Variants in CNTNAP5 observed in about 807,000 individuals in gnomAD.
The protein encoded by CNTNAP5 is contactin-associated protein-like 5.
A neutral mutation model predicts 150.2 loss-of-function variants in CNTNAP5; 72 were observed. That is an observed-to-expected ratio of 0.48 (90% CI 0.40 to 0.58). The LOEUF (loss-of-function observed/expected upper bound fraction) is 0.58. CNTNAP5 is among the 20% of genes least tolerant of loss of function. CNTNAP5 has a pLI of 0.00. For missense variants in CNTNAP5, 1,636 were observed against 1,626.2 expected, an observed-to-expected ratio of 1.01 and a Z score of -0.10; for synonymous variants, 672 against 619.8, an observed-to-expected ratio of 1.08 and a Z score of -1.25.
intron 13 of CNTNAP5, among the ~76,000 whole-genome samples, chr2:124,674,724 G>T (rs1265496851): frequency 6.6e-6 from 1 of 151,464 alleles, no homozygotes; most frequent in African/African-American, 2.4e-5. Context: ...TATTTCCATT[G>T]TGATTTCTTT....
intron 19 of CNTNAP5, among the ~76,000 whole-genome samples, chr2:124,812,624 C>A (rs150731484): frequency 6.6e-6 from 1 of 152,280 alleles, no homozygotes; most frequent in Non-Finnish European, 1.5e-5. Context: ...GTTTCCACAA[C>A]GTCTTATCAT....
rs935403054 is a variant in CNTNAP5, at chr2:124,087,335, A to G, written c.82+61603A>G. Among the ~76,000 whole-genome samples, 4 of 151,926 alleles carry G rather than the reference A, an allele frequency of 2.6e-5. No homozygotes were observed. The East Asian group carries it at 7.7e-4, about 29-fold the overall frequency. ...TTTATTTTTTCTTTCTATTTAGATA[A>G]TAGAGTATAGTCATTATTTTAGGAT... On this transcript the variant is annotated intron_variant, in intron 1 of 23. Transcript: ENST00000682447.
chr2:124,465,307 C>T (rs932806945), intron 6 of CNTNAP5, among the ~76,000 whole-genome samples: 9 of 151,972 alleles, frequency 5.9e-5, no homozygotes, highest in African/African-American at 1.9e-4. Context: ...CTATGTTGTC[C>T]AAGACATTGA....
chr2:124,835,834 T>C (rs1287996757), intron 19 of CNTNAP5, among the ~76,000 whole-genome samples: 1 of 152,142 alleles, frequency 6.6e-6, no homozygotes, highest in Non-Finnish European at 1.5e-5. Flanking sequence ...CCACCTCACT[T>C]GCTCTCTTCT....
intron 3 of CNTNAP5, among the ~76,000 whole-genome samples, chr2:124,323,053 G>A (rs572216388): frequency 2.6e-5 from 4 of 152,212 alleles, no homozygotes; most frequent in South Asian, 2.1e-4. Flanking sequence ...TGGAAACTCC[G>A]AGATTAAGGC....
intron 1 of CNTNAP5, among the ~76,000 whole-genome samples, chr2:124,157,493 C>T (rs1684574078): frequency 6.6e-6 from 1 of 152,074 alleles, no homozygotes; most frequent in African/African-American, 2.4e-5. Flanking sequence ...TTTCAGTATT[C>T]CATCTTTATG....
chr2:124,885,549 T>TCACACACACACACACACACA (rs3980831), intron 21 of CNTNAP5, among the ~76,000 whole-genome samples: 1 of 145,262 alleles, frequency 6.9e-6, no homozygotes, highest in South Asian at 2.2e-4. Context: ...AACATTTTCA[T>TCACACACACACACACACACA]CACACACACA....
At chr2:124,893,633 A>G (rs1374134594) in intron 21 of CNTNAP5, among the ~76,000 whole-genome samples, 3 of 152,134 alleles carry the variant, frequency 2.0e-5, no homozygotes, top group Non-Finnish European at 4.4e-5. Flanking sequence ...GCCTTGTAGT[A>G]TGAGATAACC....
intron 3 of CNTNAP5, among the ~76,000 whole-genome samples, chr2:124,360,954 T>C (rs375225849): frequency 1.4e-4 from 20 of 142,894 alleles, no homozygotes; most frequent in Admixed American, 4.9e-4. Flanking sequence ...ACCAATCAGA[T>C]GTAGATTTGG....
chr2:124,061,468 C>T (rs1682008805), intron 1 of CNTNAP5, among the ~76,000 whole-genome samples: 1 of 152,134 alleles, frequency 6.6e-6, no homozygotes, highest in African/African-American at 2.4e-5. Flanking sequence ...AGGACATGGA[C>T]TTTGGAAAAG....
rs145538745 is a variant in CNTNAP5 at position 124,423,019 on chromosome 2, A to G, written c.529+5429A>G. Among the ~76,000 whole-genome samples, 11 of 152,262 alleles carry G rather than the reference A, an allele frequency of 7.2e-5. No homozygotes were observed. The East Asian group carries it at 2.1e-3, about 29-fold the overall frequency. ...TTCCGTGTCTGTGATTGCTAATCCT[A>G]AGGATTTTAAATGAAATCTGAAAAC... On this transcript the variant is annotated intron_variant, in intron 4 of 23. Transcript: ENST00000682447.
intron 11 of CNTNAP5, among the ~76,000 whole-genome samples, chr2:124,575,465 G>A (rs1047099701): frequency 2.6e-5 from 4 of 152,096 alleles, no homozygotes; most frequent in Admixed American, 6.6e-5. Context: ...TTCAGTCATG[G>A]CCCTGTATGT....
At chr2:124,437,403 A>G (rs1692558882) in intron 5 of CNTNAP5, among the ~76,000 whole-genome samples, 1 of 152,208 alleles carries the variant, frequency 6.6e-6, no homozygotes, top group Non-Finnish European at 1.5e-5. Flanking sequence ...ATTTACAGAT[A>G]TGAAATAGTA....
intron 11 of CNTNAP5, among the ~76,000 whole-genome samples, chr2:124,565,958 T>C (rs1410594872): frequency 6.6e-6 from 1 of 151,614 alleles, no homozygotes; most frequent in East Asian, 1.9e-4. Context: ...GATCCTTTTT[T>C]TTTTTTTGCA....
At chr2:124,199,424 T>TTC (rs1175664966) in intron 1 of CNTNAP5, among the ~76,000 whole-genome samples, 2 of 147,340 alleles carry the variant, frequency 1.4e-5, no homozygotes, top group African/African-American at 2.5e-5. Context: ...TTTTTTTTTT[T>TTC]TTTTTTTTGA....
intron 7 of CNTNAP5, among the ~76,000 whole-genome samples, chr2:124,479,789 T>G (rs1693724668): frequency 6.6e-6 from 1 of 152,152 alleles, no homozygotes; most frequent in Non-Finnish European, 1.5e-5. Context: ...ATTGAAACAT[T>G]GACTTCCTAG....
chr2:124,546,298 T>G, intron 10 of CNTNAP5, among the ~76,000 whole-genome samples: 1 of 152,164 alleles, frequency 6.6e-6, no homozygotes, highest in South Asian at 2.1e-4. Flanking sequence ...AATGTTTTCT[T>G]TGTTCAAATT....
intron 11 of CNTNAP5, among the ~76,000 whole-genome samples, chr2:124,594,899 AT>A (rs1558696548): frequency 1.0e-5 from 1 of 98,366 alleles, no homozygotes; most frequent in Non-Finnish European, 2.0e-5. Flanking sequence ...CTTTGAAGCA[AT>A]TGTGAATGGG....
At chr2:124,881,021 A>G (rs1423111449) in intron 21 of CNTNAP5, among the ~76,000 whole-genome samples, 1 of 152,114 alleles carries the variant, frequency 6.6e-6, no homozygotes, top group African/African-American at 2.4e-5. Context: ...AGGCCATCTG[A>G]GAGGGTTTCA....
Sources: gnomAD v4.1 joint callset for allele counts (sites outside exome capture counted in the v4.1 genomes callset) on GRCh38, gnomAD v4.1.1 for gene constraint, MANE v1.5 for transcripts, NCBI Gene and HGNC (gene_info 2026-07-23, HGNC 2026-07-21) for gene names.